The following UVRAG variants were observed in gnomAD, a reference collection of about 807,000 sequenced individuals.
UVRAG encodes UV radiation resistance associated.
In UVRAG, 19 loss-of-function variants were observed where a neutral mutation model predicts 78.0. The ratio of observed to expected loss-of-function variants is 0.24; its 90% confidence interval spans 0.17 to 0.36. The LOEUF (loss-of-function observed/expected upper bound fraction) is 0.36. UVRAG is among the 10% of genes least tolerant of loss of function. The probability of loss-of-function intolerance (pLI) is 1.00; values close to 1 mark genes in which losing one functional copy is unlikely to be tolerated. For synonymous variants in UVRAG, 323 were observed against 324.6 expected (o/e 1.00, Z 0.05); for missense variants, 740 against 853.8 (o/e 0.87, Z 1.66).
intron 6 of UVRAG, among the ~76,000 whole-genome samples, chr11:75,953,293 A>G (rs1948738562): frequency 1.3e-5 from 2 of 152,184 alleles, no homozygotes; most frequent in South Asian, 4.1e-4. Flanking sequence ...CCATTCACCT[A>G]TTACAAGAAG....
At chr11:76,081,938 C>CAAAAAAAA (rs775703377) in intron 13 of UVRAG, among the ~76,000 whole-genome samples, 1 of 69,662 alleles carries the variant, frequency 1.4e-5, no homozygotes. Flanking sequence ...AGAACCAAAG[C>CAAAAAAAA]AAAAAAAAAA....
chr11:75,925,426 T>C (rs1172743757), intron 6 of UVRAG, among the ~76,000 whole-genome samples: 5 of 152,244 alleles, frequency 3.3e-5, no homozygotes, highest in African/African-American at 1.2e-4. Context: ...GAAGAGAATC[T>C]GAGACTCAGC....
At chr11:76,137,926 A>G (rs1470219564) in intron 14 of UVRAG, among the ~76,000 whole-genome samples, 1 of 152,120 alleles carries the variant, frequency 6.6e-6, no homozygotes, top group Admixed American at 6.5e-5. Flanking sequence ...TTTTTTTTAA[A>G]TTAAAAAATA....
chr11:76,072,674 G>A (rs780638937), intron 13 of UVRAG, among the ~76,000 whole-genome samples: 2 of 152,182 alleles, frequency 1.3e-5, no homozygotes, highest in Non-Finnish European at 2.9e-5. Context: ...AGATGAATTG[G>A]CCATCTATAT....
intron 8 of UVRAG, among the ~76,000 whole-genome samples, chr11:75,986,453 A>G (rs567357163): frequency 3.3e-5 from 5 of 152,242 alleles, no homozygotes; most frequent in African/African-American, 1.2e-4. Flanking sequence ...AGTAATTGTT[A>G]ATGTTACAGT....
chr11:76,088,006 G>A (rs976231487), intron 13 of UVRAG, among the ~76,000 whole-genome samples: 1 of 152,190 alleles, frequency 6.6e-6, no homozygotes, highest in African/African-American at 2.4e-5. Context: ...CCTGGGGTCA[G>A]GTGGCTACTC....
chr11:76,053,044 G>A (rs900982749), intron 12 of UVRAG, among the ~76,000 whole-genome samples: 32 of 150,800 alleles, frequency 2.1e-4, no homozygotes, highest in Middle Eastern at 3.5e-3. Context: ...TGTGGCTCAC[G>A]CCTGTAATCC....
At chr11:76,021,227 T>C (rs1950241070) in intron 12 of UVRAG, among the ~76,000 whole-genome samples, 1 of 152,170 alleles carries the variant, frequency 6.6e-6, no homozygotes, top group South Asian at 2.1e-4. Flanking sequence ...TGCTTTTTTG[T>C]GTGTGTAGAT....
At chr11:76,089,729 C>T (rs144668965) in intron 13 of UVRAG, among the ~76,000 whole-genome samples, 1 of 152,174 alleles carries the variant, frequency 6.6e-6, no homozygotes, top group Non-Finnish European at 1.5e-5. Flanking sequence ...TATGTTACTA[C>T]TTGCCTCTAA....
intron 2 of UVRAG, among the ~76,000 whole-genome samples, chr11:75,853,138 C>T (rs1946196090): frequency 6.6e-6 from 1 of 152,062 alleles, no homozygotes; most frequent in Non-Finnish European, 1.5e-5. Flanking sequence ...GTCTCCAACT[C>T]CTGGACTCAA....
At chr11:75,964,077 T>G (rs1164202075) in intron 7 of UVRAG, among the ~76,000 whole-genome samples, 2 of 152,250 alleles carry the variant, frequency 1.3e-5, no homozygotes, top group African/African-American at 4.8e-5. Context: ...AAGCCAACTT[T>G]GCATTCCTAG....
At chr11:76,074,103 G>T (rs1242964079) in intron 13 of UVRAG, among the ~76,000 whole-genome samples, 2 of 152,066 alleles carry the variant, frequency 1.3e-5, no homozygotes, top group African/African-American at 4.8e-5. Context: ...ATTTTTGGAA[G>T]AATTCACAAA....
intron 8 of UVRAG, among the ~76,000 whole-genome samples, chr11:76,001,220 A>AAT (rs759019687): frequency 2.6e-5 from 4 of 152,162 alleles, no homozygotes; most frequent in Admixed American, 6.5e-5. Flanking sequence ...ACAATTACAC[A>AAT]ATATATATAT....
chr11:75,884,240 T>TCTCTCTCTCTCTCTCTTTCTC (rs1555080662), intron 4 of UVRAG, among the ~76,000 whole-genome samples: 3 of 132,556 alleles, frequency 2.3e-5, no homozygotes, highest in African/African-American at 9.6e-5. Context: ...CTCTCTCTCT[T>TCTCTCTCTCTCTCTCTTTCTC]TCTCTCTCTC....
chr11:76,077,866 C>T (rs975207976), intron 13 of UVRAG, among the ~76,000 whole-genome samples: 13 of 152,170 alleles, frequency 8.5e-5, no homozygotes, highest in Admixed American at 3.3e-4. Flanking sequence ...ACTTGGCTTA[C>T]CATCTTTGAT....
At chr11:76,121,606 G>A (rs1480513631) in intron 14 of UVRAG, among the ~76,000 whole-genome samples, 1 of 152,192 alleles carries the variant, frequency 6.6e-6, no homozygotes, top group Non-Finnish European at 1.5e-5. Flanking sequence ...GTTGCTGTGA[G>A]TGGGCTGTGT....
intron 6 of UVRAG, among the ~76,000 whole-genome samples, chr11:75,925,271 C>T (rs1034501164): frequency 4.6e-5 from 7 of 152,220 alleles, no homozygotes; most frequent in Non-Finnish European, 8.8e-5. Context: ...CCATTAAAAC[C>T]TACCCCACCC....
intron 6 of UVRAG, among the ~76,000 whole-genome samples, chr11:75,926,399 T>C (rs975578849): frequency 7.2e-5 from 11 of 152,222 alleles, no homozygotes; most frequent in Admixed American, 6.5e-4. Flanking sequence ...AAATGACTTT[T>C]CCACAGTAGC....
At chr11:76,089,159 C>A (rs1026043196) in intron 13 of UVRAG, among the ~76,000 whole-genome samples, 3 of 152,036 alleles carry the variant, frequency 2.0e-5, no homozygotes, top group Non-Finnish European at 2.9e-5. Context: ...TATAGATATG[C>A]CTGGCTTTGC....
Sources: gnomAD v4.1 joint callset for allele counts (sites outside exome capture counted in the v4.1 genomes callset) on GRCh38, gnomAD v4.1.1 for gene constraint, MANE v1.5 for transcripts, NCBI Gene and HGNC (gene_info 2026-07-23, HGNC 2026-07-21) for gene names.